KIF13B: variants seen among roughly 807,000 people sequenced by gnomAD.
KIF13B encodes the protein kinesin-like protein KIF13B.
A neutral mutation model predicts 222.0 loss-of-function variants in KIF13B; 127 were observed. The observed-to-expected ratio is 0.57, with a 90% confidence interval of 0.50 to 0.66. The LOEUF (loss-of-function observed/expected upper bound fraction) is 0.66. Ranked by LOEUF, KIF13B falls within the 30% of genes least tolerant of loss-of-function variation. The pLI is 0.00. For missense variants in KIF13B, 2,173 were observed against 2,379.0 expected, an observed-to-expected ratio of 0.91 and a Z score of 1.80; for synonymous variants, 976 against 919.0, an observed-to-expected ratio of 1.06 and a Z score of -1.12.
intron 2 of KIF13B, among the ~76,000 whole-genome samples, chr8:29,236,893 C>A (rs1296398492): frequency 6.6e-6 from 1 of 150,762 alleles, no homozygotes; most frequent in African/African-American, 2.4e-5. Context: ...AACAGAATAA[C>A]TTTTTCTGCT....
At chr8:29,182,191 T>C (rs1812740925) in intron 6 of KIF13B, among the ~76,000 whole-genome samples, 185 bp from the exon 7 acceptor site, 1 of 152,250 alleles carries the variant, frequency 6.6e-6, no homozygotes, top group Admixed American at 6.5e-5. Context: ...AACTTCATAA[T>C]GTGATTAAAT....
Position 29,068,765 on chromosome 8 carries a change from A to C in KIF13B, c.*1739T>G, listed in dbSNP as rs142709553. The C allele has an allele frequency of 7.7e-4, 117 of 152,534 alleles. 1 individual carries two copies. Among genetic ancestry groups the C allele is most frequent in the African/African-American group, 2.7e-3 (111 of 41,592 alleles). 9.4% of individuals were successfully genotyped at this position (152,534 alleles called of 1,614,324 possible). A position where few individuals can be genotyped will look rare whatever the true frequency, so the allele number is the denominator to read the frequency against. ...GGACCCAAAAACAAACTTCTCAGTG[A>C]AACAGGTTTTAAAAAGAAAGCCGCT... On this transcript the variant is annotated 3_prime_UTR_variant, in exon 40 of 40. Transcript: ENST00000524189. The surrounding 1 kb of genome is among the most constrained non-coding windows in gnomAD (Gnocchi z 4.4).
intron 29 of KIF13B, among the ~76,000 whole-genome samples, chr8:29,119,447 G>C (rs929423230): frequency 3.9e-5 from 6 of 152,138 alleles, no homozygotes; most frequent in African/African-American, 1.2e-4. Flanking sequence ...TGGTTCCTCA[G>C]GCCCGAGCCT....
chr8:29,226,249 C>T (rs1815019398), intron 2 of KIF13B, among the ~76,000 whole-genome samples: 1 of 149,918 alleles, frequency 6.7e-6, no homozygotes, highest in Non-Finnish European at 1.5e-5. Context: ...GTAATTTGAA[C>T]TTACATGACT....
In KIF13B at chr8:29,154,784, T is replaced by C. The variant is rs531406440; in HGVS notation, c.1535+942A>G. Reference sequence around the variant, plus strand: ...TTCTGTGTGATTATTTATGGCCTCATTAGAGAACAGCACAACACAGCTGTG... The same window carrying C: ...TTCTGTGTGATTATTTATGGCCTCACTAGAGAACAGCACAACACAGCTGTG... On this transcript the variant is annotated intron_variant, in intron 14 of 39. Transcript: ENST00000524189. Among the ~76,000 whole-genome samples the C allele has an allele frequency of 2.0e-5, 3 of 152,294 alleles. No homozygotes were observed. In the East Asian group the frequency reaches 5.8e-4, roughly 29 times the overall value.
At chr8:29,255,822 G>A (rs902427188) in intron 1 of KIF13B, among the ~76,000 whole-genome samples, 9 of 152,126 alleles carry the variant, frequency 5.9e-5, no homozygotes, top group African/African-American at 2.2e-4. Flanking sequence ...CCATTCCTGT[G>A]ACATGTGATT....
intron 32 of KIF13B, among the ~76,000 whole-genome samples, chr8:29,111,849 C>G (rs931931305): frequency 4.6e-5 from 7 of 152,188 alleles, no homozygotes; most frequent in African/African-American, 1.7e-4. Context: ...AACAGTAAGT[C>G]TCTAGCTAGA....
chr8:29,093,373 T>G (rs1808385341), intron 36 of KIF13B, among the ~76,000 whole-genome samples: 1 of 152,188 alleles, frequency 6.6e-6, no homozygotes, highest in South Asian at 2.1e-4. Flanking sequence ...GTGTTTGAGT[T>G]GTTTGTTAAA....
At chr8:29,175,982 C>G (rs1386180180) in intron 10 of KIF13B, 86 bp downstream of exon 10, 4 of 748,792 alleles carry the variant, frequency 5.3e-6, no homozygotes, top group Non-Finnish European at 9.4e-6. Context: ...GAAATGATAC[C>G]TGGAAGGGAT....
intron 6 of KIF13B, among the ~76,000 whole-genome samples, chr8:29,183,594 A>G (rs1442520492): frequency 6.6e-6 from 1 of 152,174 alleles, no homozygotes; most frequent in Non-Finnish European, 1.5e-5. Flanking sequence ...GCATGAATTA[A>G]TTTACTTTTA....
chr8:29,072,224 TG>T lies in KIF13B; in HGVS notation c.4613del (p.Pro1538HisfsTer5). ...ICDKPAKVPS[P>X]PPVIAVTAVT... ...CCGCTGTGACAGCTATGACAGGCGG[TG>T]GGGAAGGCACTTTGGCAGGTTTGTC... is the stretch of plus-strand genomic sequence containing the variant. On this transcript the variant is annotated frameshift_variant, in exon 39 of 40. Coordinates refer to ENST00000524189, the MANE Select transcript of KIF13B (RefSeq NM_015254.4). LOFTEE classifies it high-confidence loss of function. The T allele has an allele frequency of 1.4e-6, 2 of 1,464,298 alleles. No individual in the cohort carries two copies. The highest frequency in any genetic ancestry group is 2.9e-5 in the South Asian group (2 of 68,372). 90.7% of individuals were successfully genotyped at this position (1,464,298 alleles called of 1,614,324 possible). A position where few individuals can be genotyped will look rare whatever the true frequency, so the allele number is the denominator to read the frequency against.
intron 38 of KIF13B, among the ~76,000 whole-genome samples, chr8:29,072,566 G>A (rs1586738436): frequency 1.3e-5 from 2 of 152,206 alleles, no homozygotes; most frequent in Non-Finnish European, 2.9e-5. Context: ...GCCAGGCCCT[G>A]GTTCCCACAC....
chr8:29,259,158 A>G (rs1402710109), intron 1 of KIF13B, among the ~76,000 whole-genome samples: 1 of 152,122 alleles, frequency 6.6e-6, no homozygotes, highest in Admixed American at 6.6e-5. Flanking sequence ...GACTGTCATC[A>G]TTTTAATCGC....
At chr8:29,208,606 T>C (rs1214572384) in intron 2 of KIF13B, among the ~76,000 whole-genome samples, 1 of 152,264 alleles carries the variant, frequency 6.6e-6, no homozygotes, top group African/African-American at 2.4e-5. Flanking sequence ...CTCCATGTTC[T>C]AGGTCAGCGT....
intron 36 of KIF13B, among the ~76,000 whole-genome samples, chr8:29,096,819 C>A (rs932524467): frequency 2.6e-5 from 4 of 151,802 alleles, no homozygotes; most frequent in Non-Finnish European, 5.9e-5. Flanking sequence ...CTTTAGCAAA[C>A]AAATACAGGT....
intron 10 of KIF13B, among the ~76,000 whole-genome samples, chr8:29,174,226 G>A (rs908793876): frequency 1.3e-5 from 2 of 151,964 alleles, no homozygotes; most frequent in African/African-American, 4.8e-5. Flanking sequence ...CTATATAACT[G>A]CAAGTTTGTT....
At position 29,109,478 on chromosome 8, in the gene KIF13B, C is replaced by T. The variant is rs1322464349; in HGVS notation, c.4117G>A (p.Gly1373Arg). Residue 1373 changes from glycine (G) to arginine (R), a missense_variant, in exon 34 of 40, where the codon GGA becomes AGA. Physicochemically the swap from Gly to Arg is moderately radical, Grantham distance 125. Transcript: ENST00000524189. The stretch of plus-strand genomic sequence containing the variant: ...CTGATACTCCTCCTGCTCAACTTTC[C>T]TTTTCCTGTTAACTGTTCCTTCACT... ...VAVKEQLTGK[G>R]KLSRRSISSP... The T allele has an allele frequency of 6.2e-7, 1 of 1,613,980 alleles. No individual in the cohort carries two copies. The highest frequency in any genetic ancestry group is 1.1e-5 in the South Asian group (1 of 91,078).
chr8:29,077,267 CT>C (rs1807607347), intron 37 of KIF13B, among the ~76,000 whole-genome samples: 1 of 152,188 alleles, frequency 6.6e-6, no homozygotes, highest in East Asian at 1.9e-4. Flanking sequence ...CACTCAGCTC[CT>C]TCTGTCCCAC....
rs961314461 is a variant in KIF13B at position 29,070,321 on chromosome 8, G to C, written c.*183C>G. The C allele has an allele frequency of 3.1e-6, 2 of 651,522 alleles. No homozygotes were observed. The highest frequency in any genetic ancestry group is 6.0e-5 in the Admixed American group (2 of 33,194). The allele number at this position is 651,522 out of a possible 1,614,324, so 40.4% of individuals were successfully genotyped here. A position where few individuals can be genotyped will look rare whatever the true frequency, so the allele number is the denominator to read the frequency against. On this transcript the variant is annotated 3_prime_UTR_variant, in exon 40 of 40. Coordinates refer to ENST00000524189, the MANE Select transcript of KIF13B (RefSeq NM_015254.4). This position sits in a 1 kb window ranked among gnomAD's most constrained non-coding sequence, Gnocchi z 4.1. Reference sequence around the variant, plus strand: ...CACAGTTGAGGCCCCCACTTTACCCGGGTACAGAAGAAACAAAGCTTCCAG... The same window carrying C: ...CACAGTTGAGGCCCCCACTTTACCCCGGTACAGAAGAAACAAAGCTTCCAG...
Sources: allele counts gnomAD v4.1 joint callset (sites outside exome capture counted in the v4.1 genomes callset), GRCh38; gene constraint gnomAD v4.1.1; non-coding constraint Gnocchi (gnomAD v3.1); transcripts MANE v1.5; gene names NCBI Gene and HGNC (gene_info 2026-07-23, HGNC 2026-07-21).